Variants in ERCC5 observed in about 807,000 individuals in gnomAD.
ERCC5 encodes DNA excision repair protein ERCC-5.
A neutral mutation model predicts 105.6 loss-of-function variants in ERCC5; 68 were observed. That is an observed-to-expected ratio of 0.64 (90% CI 0.53 to 0.79). The LOEUF (loss-of-function observed/expected upper bound fraction) is 0.79. Among genes scored for constraint, ERCC5 ranks in the 30% least tolerant of loss-of-function variants. The pLI is 0.00. For missense variants in ERCC5, 1,373 were observed against 1,426.7 expected, an observed-to-expected ratio of 0.96 and a Z score of 0.61; for synonymous variants, 546 against 526.2, an observed-to-expected ratio of 1.04 and a Z score of -0.51.
chr13:102,866,561 A>C, intron 10 of ERCC5, 71 bp from the exon 11 acceptor site: 1 of 1,601,784 alleles, frequency 6.2e-7, no homozygotes, highest in Non-Finnish European at 8.5e-7. Context: ...AGTGGTAGGC[A>C]CTGCTCCCCC....
chr13:102,865,919 C>T lies in ERCC5; in HGVS notation c.2199+8C>T, dbSNP rs374093587. 5.3e-5 allele frequency: 85 copies of T among 1,613,916 alleles called. No homozygotes were observed. The highest frequency in any genetic ancestry group is 3.5e-4 in the African/African-American group (26 of 74,916). Reference sequence around the variant, plus strand: ...TGGCAAGATATTAATTTGGTAATACCGTAACATTGTGTTTCGACTTCTTGC... The same window carrying T: ...TGGCAAGATATTAATTTGGTAATACTGTAACATTGTGTTTCGACTTCTTGC... On this transcript the variant is annotated splice_region_variant and intron_variant, in intron 9 of 14. Transcript: ENST00000652225. The surrounding 1 kb of genome is among the most constrained non-coding windows in gnomAD (Gnocchi z 4.0).
Position 102,846,080 on chromosome 13 carries a change from C to A in ERCC5, c.-187C>A, listed in dbSNP as rs1188616887. On this transcript the variant is annotated 5_prime_UTR_variant, in exon 1 of 15. Transcript: ENST00000652225. ...CTGAGACGTGTTGCAGCCAGAGTCTCTCCGCTTTAATGCGCTCCCATTAGT... is the reference window on the plus strand; with the variant it reads ...CTGAGACGTGTTGCAGCCAGAGTCTATCCGCTTTAATGCGCTCCCATTAGT... 1.7e-6 allele frequency: 1 copy of A among 596,374 alleles called. No individual in the cohort carries two copies. The highest frequency in any genetic ancestry group is 1.9e-5 in the African/African-American group (1 of 53,808). 36.9% of individuals were successfully genotyped at this position (596,374 alleles called of 1,614,324 possible). A position where few individuals can be genotyped will look rare whatever the true frequency, so the allele number is the denominator to read the frequency against.
Position 102,865,928 on chromosome 13 carries a change from G to A in ERCC5, c.2199+17G>A, listed in dbSNP as rs1395287333. On this transcript the variant is annotated intron_variant, in intron 9 of 14. Transcript: ENST00000652225. This position sits in a 1 kb window ranked among gnomAD's most constrained non-coding sequence, Gnocchi z 4.0. ...ATTAATTTGGTAATACCGTAACATT[G>A]TGTTTCGACTTCTTGCTGAGGAAGC... 1 of 1,613,950 alleles carries A rather than the reference G, an allele frequency of 6.2e-7. No individual in the cohort carries two copies. The highest frequency in any genetic ancestry group is 1.3e-5 in the African/African-American group (1 of 74,934).
chr13:102,868,406 TTTCTAGAGATGATG>T, intron 12 of ERCC5, 149 bp downstream of exon 12: 1 of 1,176,252 alleles, frequency 8.5e-7, no homozygotes, highest in East Asian at 2.6e-5. Flanking sequence ...TGTTTTCCAT[TTTCTAGAGATGATG>T]AAATCAGAGT....
intron 4 of ERCC5, 51 bp downstream of exon 4, chr13:102,854,425 A>G (rs763076201): frequency 6.4e-6 from 10 of 1,557,372 alleles, no homozygotes; most frequent in Non-Finnish European, 7.9e-6. Context: ...CTACATTCAG[A>G]CACATTTAAA....
chr13:102,868,323 T>G, intron 12 of ERCC5, 66 bp downstream of exon 12: 1 of 1,596,828 alleles, frequency 6.3e-7, no homozygotes, highest in Non-Finnish European at 8.6e-7. Flanking sequence ...ATAGAACTAT[T>G]ATTTACAGCA....
chr13:102,849,355 A>G (rs527573397), intron 1 of ERCC5: 1 of 519,050 alleles, frequency 1.9e-6, no homozygotes, highest in East Asian at 5.4e-5. Flanking sequence ...CAGTGGCCGT[A>G]TCACCTCCTG....
rs755431359 is a variant in ERCC5 at position 102,875,313 on chromosome 13, C to T, written c.2971C>T (p.Leu991Phe). The change falls in exon 15 of 15, where the codon CTC (leucine) becomes TTC (phenylalanine). Residue 991 changes from leucine (L) to phenylalanine (F), a missense_variant. Leu to Phe is a conservative substitution (Grantham distance 22, BLOSUM62 0). Transcript: ENST00000652225. ...TCTTTTGTTATTTTTTTAGACACAGCTCCGAATTGATTCCTTCTTTAGATT... is the reference window on the plus strand; with the variant it reads ...TCTTTTGTTATTTTTTTAGACACAGTTCCGAATTGATTCCTTCTTTAGATT... The part of the protein sequence containing the change: ...LKQLDAQQTQ[L>F]RIDSFFRLAQ... 1.1e-4 allele frequency: 177 copies of T among 1,613,626 alleles called. No homozygotes were observed. The highest frequency in any genetic ancestry group is 1.3e-4 in the Non-Finnish European group (153 of 1,179,960).
At position 102,872,297 on chromosome 13, in the gene ERCC5, C is replaced by G. The variant is rs9518857; in HGVS notation, c.2778C>G (p.Gly926=). Residue 926 remains glycine (G), a synonymous_variant, in exon 13 of 15, where the codon GGC becomes GGG. Coordinates refer to ENST00000652225, the MANE Select transcript of ERCC5 (RefSeq NM_000123.4). ...KKLRTLQLTP[G]FPNPAVAEAY... ...TACGGACATTGCAACTCACCCCTGGCTTTCCTAACCCAGCTGTTGCCGAGG... is the reference window on the plus strand; with the variant it reads ...TACGGACATTGCAACTCACCCCTGGGTTTCCTAACCCAGCTGTTGCCGAGG... The G allele has an allele frequency of 4.1e-3, 6,597 of 1,614,190 alleles. 20 individuals carry two copies. Among genetic ancestry groups the G allele is most frequent in the Non-Finnish European group, 5.1e-3 (6,019 of 1,180,046 alleles).
chr13:102,859,315 A>G (rs1234764506), intron 6 of ERCC5, among the ~76,000 whole-genome samples: 1 of 152,186 alleles, frequency 6.6e-6, no homozygotes, highest in Non-Finnish European at 1.5e-5. Flanking sequence ...GCTTAAATTG[A>G]TAGCAGAAAT....
chr13:102,865,873 G>T lies in ERCC5; in HGVS notation c.2161G>T (p.Ala721Ser). 6.2e-7 allele frequency: 1 copy of T among 1,614,246 alleles called. No individual in the cohort carries two copies. Among genetic ancestry groups the T allele is most frequent in the Non-Finnish European group, 8.5e-7 (1 of 1,180,042 alleles). ...TGAGCCACAGGAAGCTGAGAAAGAT[G>T]CGGAAGATTCGCTCCATGAATGGCA... is the stretch of plus-strand genomic sequence containing the variant. ...DGEPQEAEKD[A>S]EDSLHEWQDI... The change falls in exon 9 of 15, where the codon GCG becomes TCG. Residue 721 changes from alanine (A) to serine (S), a missense_variant. Physicochemically the swap from Ala to Ser is moderately conservative, Grantham distance 99. This residue lies in a region of ERCC5 where 1,004 missense variants were observed against 1,059.7 expected (regional missense o/e 0.95). Transcript: ENST00000652225. The surrounding 1 kb of genome is among the most constrained non-coding windows in gnomAD (Gnocchi z 4.0).
chr13:102,854,160 G>A (rs911921545), intron 3 of ERCC5, 128 bp from the exon 4 acceptor site: 22 of 1,035,906 alleles, frequency 2.1e-5, no homozygotes, highest in Non-Finnish European at 3.1e-5. Flanking sequence ...GCCCCGCCAA[G>A]GTTCCTTCCT....
chr13:102,854,098 C>T (rs542518700), intron 3 of ERCC5, among the ~76,000 whole-genome samples, 190 bp from the exon 4 acceptor site: 6 of 152,222 alleles, frequency 3.9e-5, no homozygotes, highest in South Asian at 2.1e-4. Context: ...TGTCGTGTTG[C>T]GTCATGTACA....
chr13:102,861,932 C>T (rs1882635496), intron 7 of ERCC5, 98 bp from the exon 8 acceptor site: 1 of 1,501,130 alleles, frequency 6.7e-7, no homozygotes, highest in African/African-American at 1.4e-5. Flanking sequence ...AATGTATATA[C>T]TTATTTATGA....
At chr13:102,858,543 C>G in intron 6 of ERCC5, 125 bp downstream of exon 6, 2 of 1,352,378 alleles carry the variant, frequency 1.5e-6, no homozygotes, top group Admixed American at 1.9e-5. Context: ...AACAGCATTT[C>G]TACATCTCAG....
At chr13:102,852,613 C>T (rs1032179947) in intron 2 of ERCC5, among the ~76,000 whole-genome samples, 1 of 152,214 alleles carries the variant, frequency 6.6e-6, no homozygotes, top group East Asian at 1.9e-4. Context: ...GGCCATCACT[C>T]AGAACACTGT....
At position 102,865,451 on chromosome 13, in the gene ERCC5, C is replaced by T; in HGVS notation, c.1955-216C>T. Reference sequence around the variant, plus strand: ...AGTTTCCTACTTTCAAAGACAGTGCCAGTTTACCTAATTGAAAAGGCTTGT... The same window carrying T: ...AGTTTCCTACTTTCAAAGACAGTGCTAGTTTACCTAATTGAAAAGGCTTGT... On this transcript the variant is annotated intron_variant, in intron 8 of 14. Coordinates refer to ENST00000652225, the MANE Select transcript of ERCC5 (RefSeq NM_000123.4). The surrounding 1 kb of genome is among the most constrained non-coding windows in gnomAD (Gnocchi z 4.0). 1.8e-6 allele frequency: 1 copy of T among 555,142 alleles called. No individual in the cohort carries two copies. The highest frequency in any genetic ancestry group is 3.1e-6 in the Non-Finnish European group (1 of 321,136). The allele number at this position is 555,142 out of a possible 1,614,324, so 34.4% of individuals were successfully genotyped here.
At position 102,853,892 on chromosome 13, in the gene ERCC5, C is replaced by A; in HGVS notation, c.380+20C>A. ...CAAAAGGCAAGAGGAAAATTATAGT[C>A]GTGTTAGAGATGAAGTTTTAAAAAA... On this transcript the variant is annotated intron_variant, in intron 3 of 14. Transcript: ENST00000652225. 6.2e-7 allele frequency: 1 copy of A among 1,605,642 alleles called. No homozygotes were observed. Among genetic ancestry groups the A allele is most frequent in the South Asian group, 1.1e-5 (1 of 90,866 alleles).
chr13:102,855,073 TCTC>T (rs1882361174), intron 4 of ERCC5, among the ~76,000 whole-genome samples: 4 of 152,232 alleles, frequency 2.6e-5, no homozygotes, highest in Non-Finnish European at 5.9e-5. Context: ...TGTCATTTTT[TCTC>T]CAGGTTACAT....
Sources: gnomAD v4.1 joint callset for allele counts (sites outside exome capture counted in the v4.1 genomes callset) on GRCh38, gnomAD v4.1.1 for gene constraint, gnomAD v4.1.1 regional missense constraint, Gnocchi (gnomAD v3.1) non-coding constraint, MANE v1.5 for transcripts, NCBI Gene and HGNC (gene_info 2026-07-23, HGNC 2026-07-21) for gene names.